TMEM132D: variants seen among roughly 807,000 people sequenced by gnomAD.
The protein encoded by TMEM132D is transmembrane protein 132D.
TMEM132D carries 21 observed loss-of-function variants against 62.3 expected under a neutral mutation model. The observed-to-expected ratio is 0.34, with a 90% confidence interval of 0.24 to 0.49. The LOEUF (loss-of-function observed/expected upper bound fraction) is 0.49. Ranked by LOEUF, TMEM132D falls within the 20% of genes least tolerant of loss-of-function variation. The pLI is 0.99. For missense variants in TMEM132D, 1,346 were observed against 1,402.8 expected, an observed-to-expected ratio of 0.96 and a Z score of 0.65; for synonymous variants, 621 against 575.6, an observed-to-expected ratio of 1.08 and a Z score of -1.13.
At chr12:129,752,188 A>T (rs1422347745) in intron 1 of TMEM132D, among the ~76,000 whole-genome samples, 1 of 152,164 alleles carries the variant, frequency 6.6e-6, no homozygotes, top group Non-Finnish European at 1.5e-5. Context: ...AAGGTGTGAA[A>T]ATGTTGCTAT....
chr12:129,663,211 C>T (rs975116964), intron 2 of TMEM132D, among the ~76,000 whole-genome samples: 20 of 152,120 alleles, frequency 1.3e-4, no homozygotes, highest in Admixed American at 1.2e-3. Flanking sequence ...GATCTTGGCT[C>T]TCCGCAGCCT....
rs931203190 is a variant in TMEM132D at position 129,741,560 on chromosome 12, C to A, written c.80-40862G>T. 6.6e-5 allele frequency among the ~76,000 whole-genome samples: 10 copies of A among 152,198 alleles called. No individual in the cohort carries two copies. In the East Asian group the frequency reaches 1.9e-3, roughly 29 times the overall value. ...GAATATGAATAAGTCAGTGCTCAAC[C>A]ACAGCAACTGTGAAGAATGTTCTCT... is the stretch of plus-strand genomic sequence containing the variant. On this transcript the variant is annotated intron_variant, in intron 1 of 8. Coordinates refer to ENST00000422113, the MANE Select transcript of TMEM132D (RefSeq NM_133448.3).
At chr12:129,785,585 G>T (rs995607922) in intron 1 of TMEM132D, among the ~76,000 whole-genome samples, 2 of 152,194 alleles carry the variant, frequency 1.3e-5, no homozygotes, top group African/African-American at 4.8e-5. Flanking sequence ...CACAGAGTCT[G>T]TTTAGATTTA....
chr12:129,699,988 A>AG lies in TMEM132D; in HGVS notation c.789dup (p.Gln265AlafsTer53). 6.2e-7 allele frequency: 1 copy of AG among 1,614,020 alleles called. No homozygotes were observed. On this transcript the variant is annotated frameshift_variant, in exon 2 of 9. Transcript: ENST00000422113. LOFTEE classifies it high-confidence loss of function. ...AGGAAGATGCTCCCGATCCTCTGCA[A>AG]GGGGGGCCCGGACTCATCGATGTCA...
chr12:129,158,701 G>A (rs1329630217), intron 5 of TMEM132D, among the ~76,000 whole-genome samples: 1 of 151,074 alleles, frequency 6.6e-6, no homozygotes, highest in Non-Finnish European at 1.5e-5. Context: ...AGAGCACATT[G>A]GGGAATTTCA....
At chr12:129,272,030 A>C (rs1880866713) in intron 4 of TMEM132D, among the ~76,000 whole-genome samples, 1 of 151,924 alleles carries the variant, frequency 6.6e-6, no homozygotes, top group African/African-American at 2.4e-5. Context: ...CCCACCCAAC[A>C]GTGTAAAAGT....
chr12:129,598,673 A>G (rs915714570), intron 2 of TMEM132D, among the ~76,000 whole-genome samples: 1 of 152,246 alleles, frequency 6.6e-6, no homozygotes, highest in Non-Finnish European at 1.5e-5. Context: ...TATCAAGAAA[A>G]GAAATTAAAA....
chr12:129,199,114 T>C, intron 5 of TMEM132D, among the ~76,000 whole-genome samples: 1 of 130,622 alleles, frequency 7.7e-6, no homozygotes, highest in African/African-American at 2.7e-5. Flanking sequence ...TTTTTTTTTT[T>C]TTTTTTTTTT....
chr12:129,120,771 C>T (rs1876034547), intron 5 of TMEM132D, among the ~76,000 whole-genome samples: 2 of 152,094 alleles, frequency 1.3e-5, no homozygotes, highest in Non-Finnish European at 2.9e-5. Context: ...GTGAAAGGTA[C>T]ACATAAACGG....
chr12:129,333,940 G>T (rs1002293848), intron 4 of TMEM132D, among the ~76,000 whole-genome samples: 1 of 152,174 alleles, frequency 6.6e-6, no homozygotes, highest in Non-Finnish European at 1.5e-5. Context: ...GGCTAACATG[G>T]TGAAACCCCA....
intron 5 of TMEM132D, among the ~76,000 whole-genome samples, chr12:129,150,089 G>T (rs7974938): frequency 1.3e-5 from 2 of 152,264 alleles, no homozygotes; most frequent in African/African-American, 4.8e-5. Context: ...AAGGGTCATC[G>T]TGTCCCAGAG....
chr12:129,631,474 G>A (rs188709120), intron 2 of TMEM132D, among the ~76,000 whole-genome samples: 77 of 152,302 alleles, frequency 5.1e-4, no homozygotes, highest in Middle Eastern at 3.4e-3. Context: ...GACCTGACTC[G>A]AGAAGTTGCA....
At chr12:129,092,672 G>A (rs778080467) in intron 5 of TMEM132D, among the ~76,000 whole-genome samples, 21 of 152,034 alleles carry the variant, frequency 1.4e-4, no homozygotes, top group South Asian at 2.1e-4. Context: ...CTCCAGCCTG[G>A]GCAACAAGAG....
intron 1 of TMEM132D, among the ~76,000 whole-genome samples, chr12:129,786,355 C>A (rs1871246962): frequency 6.6e-6 from 1 of 152,036 alleles, no homozygotes; most frequent in African/African-American, 2.4e-5. Flanking sequence ...GCAGTGACCC[C>A]ATAAGGCCCA....
In TMEM132D at chr12:129,572,775, T is replaced by C. The variant is rs1484846030; in HGVS notation, c.969-41570A>G. ...AGAGGGTCTGTTTGTAAACTGGGGGTGCACTAACCCCAGTACCTCTGCTTG... is the reference window on the plus strand; with the variant it reads ...AGAGGGTCTGTTTGTAAACTGGGGGCGCACTAACCCCAGTACCTCTGCTTG... On this transcript the variant is annotated intron_variant, in intron 2 of 8. Coordinates refer to ENST00000422113, the MANE Select transcript of TMEM132D (RefSeq NM_133448.3). Among the ~76,000 whole-genome samples the C allele has an allele frequency of 2.6e-5, 4 of 151,410 alleles. No homozygotes were observed. The East Asian group carries it at 7.8e-4, about 30-fold the overall frequency.
chr12:129,892,926 G>C (rs1874977595), intron 1 of TMEM132D, among the ~76,000 whole-genome samples: 1 of 152,092 alleles, frequency 6.6e-6, no homozygotes, highest in South Asian at 2.1e-4. Context: ...ATCCAGGCTG[G>C]AGTGCTGTGG....
intron 1 of TMEM132D, among the ~76,000 whole-genome samples, chr12:129,733,588 A>G (rs901161030): frequency 2.0e-5 from 3 of 146,444 alleles, no homozygotes; most frequent in African/African-American, 7.5e-5. Context: ...TTCAGCCACC[A>G]TGTTGGGGAA....
intron 4 of TMEM132D, among the ~76,000 whole-genome samples, chr12:129,319,249 T>C (rs911060159): frequency 2.0e-5 from 3 of 152,232 alleles, no homozygotes; most frequent in Non-Finnish European, 4.4e-5. Context: ...AATGGGCTGC[T>C]TGGGGACCCA....
intron 3 of TMEM132D, among the ~76,000 whole-genome samples, chr12:129,415,304 T>C (rs985691645): frequency 2.0e-5 from 3 of 152,216 alleles, no homozygotes; most frequent in African/African-American, 7.2e-5. Context: ...GTACAAGGCT[T>C]CCCTTTCCCC....
Sources: gnomAD v4.1 joint callset for allele counts (sites outside exome capture counted in the v4.1 genomes callset) on GRCh38, gnomAD v4.1.1 for gene constraint, MANE v1.5 for transcripts, NCBI Gene and HGNC (gene_info 2026-07-23, HGNC 2026-07-21) for gene names.